The following APBA2 variants were observed in gnomAD, a reference collection of about 807,000 sequenced individuals.
APBA2 encodes the protein amyloid-beta A4 precursor protein-binding family A member 2.
Under a neutral mutation model 75.0 loss-of-function variants are expected in APBA2, and 30 were observed. The ratio of observed to expected loss-of-function variants is 0.40; its 90% CI spans 0.30 to 0.54. The LOEUF (loss-of-function observed/expected upper bound fraction) is 0.54. Among genes scored for constraint, APBA2 ranks in the 20% least tolerant of loss-of-function variants. The pLI, the probability that APBA2 is intolerant of heterozygous loss-of-function variation, is 0.49. For missense variants in APBA2, 801 were observed against 1,016.1 expected (o/e 0.79, Z 2.88); for synonymous variants, 444 against 409.6 (o/e 1.08, Z -1.01).
chr15:28,904,522 T>C lies in APBA2; in HGVS notation c.-204-17118T>C, dbSNP rs138553123. On this transcript the variant is annotated intron_variant, in intron 1 of 14. Coordinates refer to ENST00000683413, the MANE Select transcript of APBA2 (RefSeq NM_001353788.2). ...GAATTGCTGGGCAAAATGTTAAGGC[T>C]TTTGATTGACATCTGGAAAGGTTTT... Among the ~76,000 whole-genome samples, 470 of 152,358 alleles carry C rather than the reference T, an allele frequency of 3.1e-3. 3 individuals are homozygous for C. The highest frequency in any genetic ancestry group is 0.011 in the African/African-American group (457 of 41,582).
chr15:28,940,430 G>C (rs1300979557), intron 2 of APBA2, among the ~76,000 whole-genome samples: 1 of 142,706 alleles, frequency 7.0e-6, no homozygotes, highest in Non-Finnish European at 1.5e-5. Flanking sequence ...CAGCTACTCC[G>C]AAGGCTGAGA....
At chr15:28,945,986 C>T (rs574211899) in intron 2 of APBA2, among the ~76,000 whole-genome samples, 57 of 152,246 alleles carry the variant, frequency 3.7e-4, no homozygotes, top group Middle Eastern at 3.4e-3. Context: ...CTGGGTGTGA[C>T]GGGTTGAAGC....
At chr15:28,976,304 T>C (rs1267157084) in intron 2 of APBA2, among the ~76,000 whole-genome samples, 1 of 152,248 alleles carries the variant, frequency 6.6e-6, no homozygotes, top group Admixed American at 6.5e-5. Flanking sequence ...ATTCATCCAT[T>C]GCAATCTTCA....
At chr15:29,002,038 G>A (rs1213928565) in intron 3 of APBA2, among the ~76,000 whole-genome samples, 1 of 152,062 alleles carries the variant, frequency 6.6e-6, no homozygotes, top group Non-Finnish European at 1.5e-5. Flanking sequence ...AATAGTCCCC[G>A]GTCACATTAG....
At chr15:28,982,870 G>T (rs2037700407) in intron 2 of APBA2, among the ~76,000 whole-genome samples, 2 of 152,192 alleles carry the variant, frequency 1.3e-5, no homozygotes, top group African/African-American at 4.8e-5. Context: ...ATTAGAGATC[G>T]CAATAACGGG....
chr15:28,887,909 C>T (rs1479179506), intron 1 of APBA2, among the ~76,000 whole-genome samples: 1 of 152,038 alleles, frequency 6.6e-6, no homozygotes, highest in Non-Finnish European at 1.5e-5. Flanking sequence ...GGTCTGTGCC[C>T]CTCCCTACTG....
At chr15:28,979,158 C>G (rs936409969) in intron 2 of APBA2, among the ~76,000 whole-genome samples, 1 of 152,192 alleles carries the variant, frequency 6.6e-6, no homozygotes, top group Non-Finnish European at 1.5e-5. Context: ...TGGCCTGCCC[C>G]GATTCCAGGC....
chr15:28,999,155 A>G (rs28457596), intron 3 of APBA2, among the ~76,000 whole-genome samples: 2 of 151,872 alleles, frequency 1.3e-5, no homozygotes, highest in African/African-American at 4.8e-5. Context: ...TCAAAAAAAA[A>G]GAAAAAAAAA....
At chr15:29,042,868 C>T (rs2041121158) in intron 3 of APBA2, among the ~76,000 whole-genome samples, 1 of 152,124 alleles carries the variant, frequency 6.6e-6, no homozygotes, top group Non-Finnish European at 1.5e-5. Flanking sequence ...CTGGCAGCTG[C>T]AGAAGCTGCG....
intron 2 of APBA2, among the ~76,000 whole-genome samples, chr15:28,954,177 G>A (rs114662095): frequency 0.031 from 4,647 of 152,242 alleles, 249 homozygotes; most frequent in African/African-American, 0.11. Context: ...GCTGCCGTGC[G>A]ATGAGAGCCT....
At chr15:29,108,667 G>T in intron 13 of APBA2, 2 of 561,024 alleles carry the variant, frequency 3.6e-6, no homozygotes, top group African/African-American at 3.8e-5. Context: ...TGCTTTGGAG[G>T]GAGGGCAGCA....
rs759189950 is a variant in APBA2, at chr15:28,991,146, G to C, written c.-94-4607G>C. On this transcript the variant is annotated intron_variant, in intron 2 of 14. Coordinates refer to ENST00000683413, the MANE Select transcript of APBA2 (RefSeq NM_001353788.2). The surrounding 1 kb of genome is among the most constrained non-coding windows in gnomAD (Gnocchi z 4.7). The stretch of plus-strand genomic sequence containing the variant: ...AATTTAAACATTTTACTTGTAAAGA[G>C]CACTTTGGTATCCACCCCAAGGGCC... 6.6e-5 allele frequency among the ~76,000 whole-genome samples: 10 copies of C among 152,170 alleles called. No individual in the cohort carries two copies. The highest frequency in any genetic ancestry group is 1.2e-4 in the Non-Finnish European group (8 of 68,032).
chr15:29,002,170 C>G (rs1414072551), intron 3 of APBA2, among the ~76,000 whole-genome samples: 2 of 152,176 alleles, frequency 1.3e-5, no homozygotes, highest in African/African-American at 4.8e-5. Flanking sequence ...ATTTCCCAGA[C>G]TTACTTTTAC....
At chr15:29,081,779 G>C (rs1004798036) in intron 6 of APBA2, among the ~76,000 whole-genome samples, 6 of 152,262 alleles carry the variant, frequency 3.9e-5, no homozygotes, top group African/African-American at 1.4e-4. Flanking sequence ...GATGTGGGAT[G>C]GGGTATTAAC....
chr15:29,102,859 G>C (rs896706525), intron 10 of APBA2: 1 of 152,180 alleles, frequency 6.6e-6, no homozygotes, highest in African/African-American at 2.4e-5. Flanking sequence ...AATAGGGAAG[G>C]GTCCCCATAT....
intron 2 of APBA2, among the ~76,000 whole-genome samples, chr15:28,971,861 C>T (rs1017935990): frequency 6.6e-6 from 1 of 152,118 alleles, no homozygotes; most frequent in African/African-American, 2.4e-5. Flanking sequence ...TTAATATAAA[C>T]CCAAGCACAC....
At chr15:28,930,404 G>T (rs572273308) in intron 2 of APBA2, among the ~76,000 whole-genome samples, 1 of 152,284 alleles carries the variant, frequency 6.6e-6, no homozygotes, top group South Asian at 2.1e-4. Flanking sequence ...ATTCCAGGCA[G>T]GCCCTGGAGC....
At chr15:28,926,106 A>G (rs2034246310) in intron 2 of APBA2, among the ~76,000 whole-genome samples, 1 of 152,148 alleles carries the variant, frequency 6.6e-6, no homozygotes, top group Non-Finnish European at 1.5e-5. Context: ...CATAGAGTTG[A>G]GACTTGTGTT....
intron 13 of APBA2, among the ~76,000 whole-genome samples, chr15:29,113,189 C>T (rs2044835229): frequency 6.6e-6 from 1 of 152,070 alleles, no homozygotes. Flanking sequence ...GTCTCGTGGT[C>T]ACAGGCGCTC....
Sources: gnomAD v4.1 joint callset for allele counts (sites outside exome capture counted in the v4.1 genomes callset) on GRCh38, gnomAD v4.1.1 for gene constraint, Gnocchi (gnomAD v3.1) non-coding constraint, MANE v1.5 for transcripts, NCBI Gene and HGNC (gene_info 2026-07-23, HGNC 2026-07-21) for gene names.